NAALADL2: variants seen among roughly 807,000 people sequenced by gnomAD.
The protein encoded by NAALADL2 is inactive N-acetylated-alpha-linked acidic dipeptidase-like protein 2.
NAALADL2 carries 76 observed loss-of-function variants against 87.2 expected under a neutral mutation model. That is an observed-to-expected ratio of 0.87 (90% confidence interval 0.72 to 1.05). The LOEUF (loss-of-function observed/expected upper bound fraction) is 1.05, where lower values mean the gene tolerates loss of function less well. Among genes scored for constraint, NAALADL2 ranks in the 50% least tolerant of loss-of-function variants. The pLI, the probability that NAALADL2 is intolerant of heterozygous loss-of-function variation, is 0.00. For synonymous variants in NAALADL2, 354 were observed against 331.0 expected (o/e 1.07, Z -0.75); for missense variants, 1,089 against 945.8 (o/e 1.15, Z -1.99).
intron 1 of NAALADL2, chr3:175,079,433 C>G (rs1475501996): frequency 6.6e-6 from 1 of 152,028 alleles, no homozygotes; most frequent in Non-Finnish European, 1.5e-5. Flanking sequence ...TGTTGAAATC[C>G]AGTTTATTCA....
At chr3:175,044,410 T>C (rs1754437183) in intron 1 of NAALADL2, among the ~76,000 whole-genome samples, 1 of 152,150 alleles carries the variant, frequency 6.6e-6, no homozygotes, top group Non-Finnish European at 1.5e-5. Context: ...TGTTGTTGCA[T>C]TATATTTGTT....
chr3:174,665,959 C>A (rs1048418153), intron 2 of NAALADL2, among the ~76,000 whole-genome samples: 2 of 152,142 alleles, frequency 1.3e-5, no homozygotes, highest in Admixed American at 6.6e-5. Flanking sequence ...CTTATAAGGA[C>A]AACAGTCATT....
chr3:174,581,077 G>A (rs1410786711), intron 2 of NAALADL2, among the ~76,000 whole-genome samples: 1 of 152,096 alleles, frequency 6.6e-6, no homozygotes. Context: ...TAGAATGATG[G>A]CATGGGAAGC....
chr3:174,713,773 TTCTTCTG>T (rs1560166256), intron 2 of NAALADL2, among the ~76,000 whole-genome samples: 1 of 151,888 alleles, frequency 6.6e-6, no homozygotes, highest in Non-Finnish European at 1.5e-5. Flanking sequence ...TGATGGTAGT[TTCTTCTG>T]CTGTGCAGAA....
At chr3:174,787,602 T>TATATATATATATATATACACAC (rs1716925307) in intron 3 of NAALADL2, among the ~76,000 whole-genome samples, 2 of 73,370 alleles carry the variant, frequency 2.7e-5, no homozygotes, top group Non-Finnish European at 5.9e-5. Context: ...TATATATATA[T>TATATATATATATATATACACAC]ATATATATAT....
intron 2 of NAALADL2, among the ~76,000 whole-genome samples, chr3:174,719,592 G>C (rs1731517054): frequency 6.6e-6 from 1 of 152,140 alleles, no homozygotes; most frequent in African/African-American, 2.4e-5. Context: ...TGCAAGTGTT[G>C]TTAGTATATA....
chr3:174,884,693 C>G (rs1026334581), intron 1 of NAALADL2, among the ~76,000 whole-genome samples: 14 of 152,156 alleles, frequency 9.2e-5, no homozygotes, highest in Non-Finnish European at 1.9e-4. Flanking sequence ...CAGCCTAATC[C>G]AACTCCGTAT....
intron 1 of NAALADL2, among the ~76,000 whole-genome samples, chr3:174,521,571 C>CAAAAAAAAAA (rs58465181): frequency 4.8e-3 from 272 of 56,102 alleles, no homozygotes; most frequent in Non-Finnish European, 6.0e-3. Context: ...GACCCTGTCT[C>CAAAAAAAAAA]AAAAAAAAAA....
intron 1 of NAALADL2, among the ~76,000 whole-genome samples, chr3:174,499,352 T>C (rs1431071462): frequency 6.6e-6 from 1 of 152,104 alleles, no homozygotes; most frequent in Admixed American, 6.5e-5. Flanking sequence ...TTTGCAAATA[T>C]ATTCTCCTAT....
chr3:175,160,504 C>G (rs575342056), intron 2 of NAALADL2, among the ~76,000 whole-genome samples: 1 of 151,094 alleles, frequency 6.6e-6, no homozygotes, highest in East Asian at 2.0e-4. Context: ...AGGCATGCAC[C>G]TCCACATCCA....
chr3:175,247,345 G>T (rs1300367725), intron 3 of NAALADL2, among the ~76,000 whole-genome samples: 1 of 152,112 alleles, frequency 6.6e-6, no homozygotes, highest in East Asian at 1.9e-4. Context: ...AGGCATTGCA[G>T]CATGCTGTGG....
At chr3:175,765,844 C>A (rs1043536665) in intron 13 of NAALADL2, among the ~76,000 whole-genome samples, 1 of 152,066 alleles carries the variant, frequency 6.6e-6, no homozygotes, top group African/African-American at 2.4e-5. Context: ...ACAATCCTGC[C>A]AGATTGGTCT....
intron 2 of NAALADL2, among the ~76,000 whole-genome samples, chr3:175,177,231 C>G (rs1216175355): frequency 6.6e-6 from 1 of 152,064 alleles, no homozygotes; most frequent in Non-Finnish European, 1.5e-5. Context: ...TACCTGTCCC[C>G]TACCCCATCA....
intron 2 of NAALADL2, among the ~76,000 whole-genome samples, chr3:174,693,418 A>G (rs116400218): frequency 6.6e-6 from 1 of 152,246 alleles, no homozygotes; most frequent in Non-Finnish European, 1.5e-5. Context: ...TGGAAAATAA[A>G]TTGTTCATCT....
intron 1 of NAALADL2, among the ~76,000 whole-genome samples, chr3:174,482,389 G>C (rs959287340): frequency 6.6e-6 from 1 of 152,032 alleles, no homozygotes; most frequent in Non-Finnish European, 1.5e-5. Flanking sequence ...CTAATCAGAG[G>C]AAGGGGGTTC....
Position 175,150,964 on chromosome 3 carries a change from G to A in NAALADL2, c.545+53673G>A, listed in dbSNP as rs116484169. 8.0e-3 allele frequency among the ~76,000 whole-genome samples: 1,211 copies of A among 152,308 alleles called. 8 individuals are homozygous for A. The highest frequency in any genetic ancestry group is 0.014 in the Middle Eastern group (4 of 294). ...ATGATGAGTAAGGCTGTGAATATAAGCCTATAATTAGTGCTGGGGGTTGTA... is the reference window on the plus strand; with the variant it reads ...ATGATGAGTAAGGCTGTGAATATAAACCTATAATTAGTGCTGGGGGTTGTA... On this transcript the variant is annotated intron_variant, in intron 2 of 13. Coordinates refer to ENST00000454872, the MANE Select transcript of NAALADL2 (RefSeq NM_207015.3).
chr3:175,616,621 G>A (rs954208025), intron 10 of NAALADL2, among the ~76,000 whole-genome samples: 25 of 152,082 alleles, frequency 1.6e-4, no homozygotes, highest in African/African-American at 6.0e-4. Context: ...TCTCTGCAAT[G>A]CCGTGACCTC....
intron 2 of NAALADL2, among the ~76,000 whole-genome samples, chr3:175,198,358 C>T (rs1327545652): frequency 2.6e-5 from 4 of 151,980 alleles, no homozygotes; most frequent in African/African-American, 9.7e-5. Flanking sequence ...CTGTATATTA[C>T]TTCATACCTC....
intron 2 of NAALADL2, among the ~76,000 whole-genome samples, chr3:175,137,812 T>C (rs1334461405): frequency 6.6e-6 from 1 of 151,926 alleles, no homozygotes; most frequent in Non-Finnish European, 1.5e-5. Flanking sequence ...TTAATAGAGA[T>C]GGGGTTTCGC....
Sources: gnomAD v4.1 joint callset for allele counts (sites outside exome capture counted in the v4.1 genomes callset) on GRCh38, gnomAD v4.1.1 for gene constraint, MANE v1.5 for transcripts, NCBI Gene and HGNC (gene_info 2026-07-23, HGNC 2026-07-21) for gene names.